CYTH2: variants seen among roughly 807,000 people sequenced by gnomAD.
CYTH2 encodes cytohesin-2.
In CYTH2, 24 loss-of-function variants were observed where a neutral mutation model predicts 55.4. The observed-to-expected ratio is 0.43, with a 90% CI of 0.31 to 0.61. The LOEUF is 0.61. CYTH2 is among the 20% of genes least tolerant of loss of function. The probability of loss-of-function intolerance (pLI) is 0.08; values close to 1 mark genes in which losing one functional copy is unlikely to be tolerated. For synonymous variants in CYTH2, 221 were observed against 209.6 expected (o/e 1.05, Z -0.47); for missense variants, 378 against 533.5 (o/e 0.71, Z 2.87).
chr19:48,474,916 A>G lies in CYTH2; in HGVS notation c.775A>G (p.Asn259Asp). The G allele has an allele frequency of 6.2e-7, 1 of 1,614,108 alleles. No individual in the cohort carries two copies. Among genetic ancestry groups the G allele is most frequent in the Non-Finnish European group, 8.5e-7 (1 of 1,179,996 alleles). Residue 259 changes from asparagine to aspartate, a missense_variant, in exon 8 of 12, where the codon AAC becomes GAC. Asn to Asp is a conservative substitution (Grantham distance 23). Coordinates refer to ENST00000452733, the MANE Select transcript of CYTH2 (RefSeq NM_004228.7). The surrounding 1 kb of genome is among the most constrained non-coding windows in gnomAD (Gnocchi z 4.9). ...GAATGACCTGACCCACACCTTCTTC[A>G]ACCCGGACCGGGAGGGCTGGCTCCT... is the stretch of plus-strand genomic sequence containing the variant. ...DGNDLTHTFF[N>D]PDREGWLLKL...
At position 48,472,456 on chromosome 19, in the gene CYTH2, C is replaced by G; in HGVS notation, c.353+13C>G. On this transcript the variant is annotated intron_variant, in intron 4 of 11. Transcript: ENST00000452733. ...ACCTGGGGGAGAGGTACGGTCACCA[C>G]TCAGCTCCTGTGGGGCCCCTCCCTC... is the stretch of plus-strand genomic sequence containing the variant. The G allele has an allele frequency of 6.2e-7, 1 of 1,610,140 alleles. No individual in the cohort carries two copies. The highest frequency in any genetic ancestry group is 8.5e-7 in the Non-Finnish European group (1 of 1,178,412).
At position 48,474,458 on chromosome 19, in the gene CYTH2, C is replaced by T. The variant is rs76341415; in HGVS notation, c.696+128C>T. The T allele has an allele frequency of 5.0e-3, 4,952 of 984,996 alleles. 144 individuals carry two copies. In the African/African-American group the frequency reaches 0.071, roughly 14 times the overall value. 61.0% of individuals were successfully genotyped at this position (984,996 alleles called of 1,614,324 possible). A position where few individuals can be genotyped will look rare whatever the true frequency, so the allele number is the denominator to read the frequency against. On this transcript the variant is annotated intron_variant, in intron 7 of 11. Coordinates refer to ENST00000452733, the MANE Select transcript of CYTH2 (RefSeq NM_004228.7). The surrounding 1 kb of genome is among the most constrained non-coding windows in gnomAD (Gnocchi z 4.9). ...CCAAGATGGTGCGATCATGCCAACT[C>T]GTGTGTGATCTTTTTCTCTCTCTCT...
Position 48,470,616 on chromosome 19 carries a change from C to A in CYTH2, c.181C>A (p.Arg61=). The change falls in exon 3 of 12, where the codon CGG becomes AGG. Residue 61 remains arginine (R), a synonymous_variant. Transcript: ENST00000452733. ...CTGCTCCTGCAGTAAGACCTTGCAA[C>A]GGAACCGGAAGATGGCAATGGGCAG... ...EANEGSKTLQ[R]NRKMAMGRKK... 1 of 1,614,226 alleles carries A rather than the reference C, an allele frequency of 6.2e-7. No homozygotes were observed. Among genetic ancestry groups the A allele is most frequent in the Non-Finnish European group, 8.5e-7 (1 of 1,180,044 alleles).
Position 48,481,233 on chromosome 19 carries a change from G to C in CYTH2, c.*2023G>C, listed in dbSNP as rs1972039626. On this transcript the variant is annotated 3_prime_UTR_variant, in exon 12 of 12. Coordinates refer to ENST00000452733, the MANE Select transcript of CYTH2 (RefSeq NM_004228.7). ...AAGAGGAGCCAAAAGGACTTGCTGA[G>C]AGCCGCCGCAGCTGGTGAATGACGG... is the stretch of plus-strand genomic sequence containing the variant. 6.5e-6 allele frequency: 1 copy of C among 153,214 alleles called. No individual in the cohort carries two copies. The highest frequency in any genetic ancestry group is 1.5e-5 in the Non-Finnish European group (1 of 68,598). 9.5% of individuals were successfully genotyped at this position (153,214 alleles called of 1,614,324 possible).
chr19:48,475,239 TGACA>T, intron 8 of CYTH2: 11 of 396,770 alleles, frequency 2.8e-5, no homozygotes, highest in South Asian at 1.2e-4. Context: ...GAGAGGCAGC[TGACA>T]TTGTCCTTTC....
chr19:48,482,310 C>T lies in CYTH2; in HGVS notation c.*3100C>T, dbSNP rs1311841404. 6.6e-6 allele frequency: 1 copy of T among 152,160 alleles called. No homozygotes were observed. The highest frequency in any genetic ancestry group is 2.4e-5 in the African/African-American group (1 of 41,362). The allele number at this position is 152,160 out of a possible 1,614,324, so 9.4% of individuals were successfully genotyped here. A position where few individuals can be genotyped will look rare whatever the true frequency, so the allele number is the denominator to read the frequency against. ...AACTTTATATTAAAATCCTAACCCC[C>T]AGCATCTCAGAATGTGATCTGATTA... On this transcript the variant is annotated 3_prime_UTR_variant, in exon 12 of 12. Transcript: ENST00000452733.
Position 48,479,350 on chromosome 19 carries a change from C to T in CYTH2, c.*140C>T, listed in dbSNP as rs1601030380. 1.3e-6 allele frequency: 1 copy of T among 750,246 alleles called. No individual in the cohort carries two copies. The highest frequency in any genetic ancestry group is 1.8e-5 in the South Asian group (1 of 57,000). The allele number at this position is 750,246 out of a possible 1,614,324, so 46.5% of individuals were successfully genotyped here. A position where few individuals can be genotyped will look rare whatever the true frequency, so the allele number is the denominator to read the frequency against. ...GCTCCTCACTGTTCTTTGTAATTAA[C>T]ACGCTGTTGGTAATCTTATTAATTA... is the stretch of plus-strand genomic sequence containing the variant. On this transcript the variant is annotated 3_prime_UTR_variant, in exon 12 of 12. Transcript: ENST00000452733.
chr19:48,478,922 G>A (rs1971994835), intron 11 of CYTH2, among the ~76,000 whole-genome samples: 1 of 149,054 alleles, frequency 6.7e-6, no homozygotes, highest in Non-Finnish European at 1.5e-5. Flanking sequence ...GGAGGGGCCG[G>A]GGGCCTGGAC....
Position 48,479,254 on chromosome 19 carries a change from C to T in CYTH2, c.*44C>T. On this transcript the variant is annotated 3_prime_UTR_variant, in exon 12 of 12. Coordinates refer to ENST00000452733, the MANE Select transcript of CYTH2 (RefSeq NM_004228.7). ...ATTATTTATTACGGAGCTGCCCCGCCTGGGTGGCCGGACCCCTGGGCCTTG... is the reference window on the plus strand; with the variant it reads ...ATTATTTATTACGGAGCTGCCCCGCTTGGGTGGCCGGACCCCTGGGCCTTG... The T allele has an allele frequency of 6.2e-7, 1 of 1,607,078 alleles. No homozygotes were observed. Among genetic ancestry groups the T allele is most frequent in the Non-Finnish European group, 8.5e-7 (1 of 1,174,202 alleles).
chr19:48,480,043 T>C lies in CYTH2; in HGVS notation c.*833T>C, dbSNP rs1316458937. The C allele has an allele frequency of 1.3e-5, 2 of 152,258 alleles. No individual in the cohort carries two copies. Among genetic ancestry groups the C allele is most frequent in the African/African-American group, 4.8e-5 (2 of 41,462 alleles). The allele number at this position is 152,258 out of a possible 1,614,324, so 9.4% of individuals were successfully genotyped here. On this transcript the variant is annotated 3_prime_UTR_variant, in exon 12 of 12. Transcript: ENST00000452733. The stretch of plus-strand genomic sequence containing the variant: ...GGACCTGCGTTCTGAACGTCTTTCC[T>C]GGGATTCTTGACAGCCAAAGAAATT...
At chr19:48,478,196 G>T in intron 9 of CYTH2, 51 bp downstream of exon 9, 1 of 1,612,124 alleles carries the variant, frequency 6.2e-7, no homozygotes, top group East Asian at 2.2e-5. Flanking sequence ...GTGGCTGGGA[G>T]CCTGGACTCC....
In CYTH2 at chr19:48,478,554, C is replaced by G. The variant is rs1439591910; in HGVS notation, c.1074C>G (p.Pro358=). 1 of 1,613,756 alleles carries G rather than the reference C, an allele frequency of 6.2e-7. No homozygotes were observed. Among genetic ancestry groups the G allele is most frequent in the Admixed American group, 1.7e-5 (1 of 59,976 alleles). ...GNHMVYRISA[P]TQEEKDEWIK... is the part of the protein sequence containing the mutation. ...ACATGGTGTACCGGATCTCGGCCCC[C>G]ACGCAGGAGGAGAAGGACGAGTGGA... The change falls in exon 11 of 12, where the codon CCC becomes CCG. Residue 358 remains proline, a synonymous_variant. Coordinates refer to ENST00000452733, the MANE Select transcript of CYTH2 (RefSeq NM_004228.7).
At chr19:48,472,588 T>A in intron 4 of CYTH2, 145 bp downstream of exon 4, 1 of 750,688 alleles carries the variant, frequency 1.3e-6, no homozygotes, top group East Asian at 2.7e-5. Flanking sequence ...CTGACTGGAC[T>A]GTGACAGAAT....
intron 10 of CYTH2, 31 bp downstream of exon 10, chr19:48,478,377 G>C (rs1427233159): frequency 1.2e-6 from 2 of 1,613,758 alleles, no homozygotes; most frequent in South Asian, 2.2e-5. Context: ...CTTCCTGCCA[G>C]GGCGGGGCCT....
intron 5 of CYTH2, 123 bp downstream of exon 5, chr19:48,473,501 A>G: frequency 1.0e-6 from 1 of 964,472 alleles, no homozygotes; most frequent in Admixed American, 2.0e-5. Context: ...AAAACTAGGG[A>G]ACTGAGTGTG....
chr19:48,469,715 A>G (rs1971744841), intron 1 of CYTH2, 189 bp downstream of exon 1: 2 of 850,184 alleles, frequency 2.4e-6, no homozygotes, highest in African/African-American at 1.8e-5. Flanking sequence ...GTTCCAGGCC[A>G]TTGTTTGGGC....
chr19:48,474,318 G>A lies in CYTH2; in HGVS notation c.684G>A (p.Glu228=), dbSNP rs1000448683. ...TCAACGAGGGCGGGGACCTGCCTGA[G>A]GAGCTGCTCAGGGTCAGTCCCCCTT... The part of the protein sequence containing the change: ...RGINEGGDLP[E]ELLRNLYDSI... Residue 228 remains glutamate (E), a synonymous_variant, in exon 7 of 12, where the codon GAG becomes GAA. Coordinates refer to ENST00000452733, the MANE Select transcript of CYTH2 (RefSeq NM_004228.7). The surrounding 1 kb of genome is among the most constrained non-coding windows in gnomAD (Gnocchi z 4.9). The A allele has an allele frequency of 1.9e-6, 3 of 1,606,932 alleles. No individual in the cohort carries two copies. Among genetic ancestry groups the A allele is most frequent in the Non-Finnish European group, 2.6e-6 (3 of 1,176,376 alleles).
At chr19:48,472,650 G>A (rs759731634) in intron 4 of CYTH2, 2 of 615,868 alleles carry the variant, frequency 3.2e-6, no homozygotes, top group Non-Finnish European at 5.9e-6. Context: ...ATCTGGGGAT[G>A]TGGGGCCTTC....
chr19:48,474,831 T>A lies in CYTH2; in HGVS notation c.697-7T>A. ...CTCGAATGGCTAATGCAGCCTTTAC[T>A]CCTCAGAACCTGTACGACAGCATCC... On this transcript the variant is annotated splice_polypyrimidine_tract_variant and splice_region_variant and intron_variant, in intron 7 of 11. Coordinates refer to ENST00000452733, the MANE Select transcript of CYTH2 (RefSeq NM_004228.7). The surrounding 1 kb of genome is among the most constrained non-coding windows in gnomAD (Gnocchi z 4.9). 1 of 1,613,908 alleles carries A rather than the reference T, an allele frequency of 6.2e-7. No individual in the cohort carries two copies. The highest frequency in any genetic ancestry group is 8.5e-7 in the Non-Finnish European group (1 of 1,179,874).
Sources: gnomAD v4.1 joint callset for allele counts (sites outside exome capture counted in the v4.1 genomes callset) on GRCh38, gnomAD v4.1.1 for gene constraint, Gnocchi (gnomAD v3.1) non-coding constraint, MANE v1.5 for transcripts, NCBI Gene and HGNC (gene_info 2026-07-23, HGNC 2026-07-21) for gene names.